PRH1: variants seen among roughly 807,000 people sequenced by gnomAD.
The protein encoded by PRH1 is proline rich protein HaeIII subfamily 1, also known as salivary acidic proline-rich phosphoprotein 1/2.
PRH1 carries 7 observed loss-of-function variants against 7.9 expected under a neutral mutation model. The ratio of observed to expected loss-of-function variants is 0.89; its 90% CI spans 0.50 to 1.67. PRH1 has a LOEUF of 1.67. PRH1 is among the 40% of genes most tolerant of loss of function. The pLI is 0.00. For missense variants in PRH1, 109 were observed against 223.6 expected, an observed-to-expected ratio of 0.49 and a Z score of 3.27; for synonymous variants, 45 against 80.8, an observed-to-expected ratio of 0.56 and a Z score of 2.38.
intron 1 of PRH1, among the ~76,000 whole-genome samples, chr12:11,157,565 A>T (rs1228624988): frequency 6.6e-6 from 1 of 152,222 alleles, no homozygotes; most frequent in Non-Finnish European, 1.5e-5. Flanking sequence ...ATTTACACTA[A>T]AAACTAAATA....
At chr12:10,935,467 T>C (rs1477114230) in intron 2 of PRH1, among the ~76,000 whole-genome samples, 7 of 152,180 alleles carry the variant, frequency 4.6e-5, no homozygotes, top group African/African-American at 7.2e-5. Flanking sequence ...TAGAACTCTA[T>C]ATTAATCCCA....
chr12:11,116,077 GA>G (rs1369034665), downstream of PRH1, among the ~76,000 whole-genome samples: 2 of 151,354 alleles, frequency 1.3e-5, no homozygotes, highest in African/African-American at 4.8e-5. Flanking sequence ...TTGAAATGAA[GA>G]AAACAATACA....
intron 1 of PRH1, among the ~76,000 whole-genome samples, chr12:11,019,966 T>C (rs1941514169): frequency 1.3e-5 from 2 of 152,298 alleles, no homozygotes; most frequent in African/African-American, 4.8e-5. Flanking sequence ...CAAAAAGCAT[T>C]AGAATAAGTG....
chr12:11,020,363 G>GATAT lies in PRH1; in HGVS notation c.-126+26653_-126+26656dup, dbSNP rs71051554. Among the ~76,000 whole-genome samples, 548 of 87,554 alleles carry GATAT rather than the reference G, an allele frequency of 6.3e-3. 39 individuals are homozygous for GATAT. Among genetic ancestry groups the GATAT allele is most frequent in the African/African-American group, 0.017 (432 of 25,740 alleles). 57.4% of individuals were successfully genotyped at this position (87,554 alleles called of 152,430 possible). On this transcript the variant is annotated intron_variant, in intron 1 of 3. Transcript: ENST00000539853. ...GTACTAGGGAGGACGTATGATAAGCGATATATATATATATATATATATATA... is the reference window on the plus strand; with the variant it reads ...GTACTAGGGAGGACGTATGATAAGCGATATATATATATATATATATATATATATA...
At chr12:11,021,944 G>GC (rs777991764) in intron 1 of PRH1, 32 of 1,613,922 alleles carry the variant, frequency 2.0e-5, no homozygotes, top group Non-Finnish European at 2.5e-6. Flanking sequence ...CTATGGAGCC[G>GC]CATCTTCTTG....
chr12:11,154,049 GT>G, intron 1 of PRH1, among the ~76,000 whole-genome samples: 1 of 152,046 alleles, frequency 6.6e-6, no homozygotes, highest in Non-Finnish European at 1.5e-5. Flanking sequence ...ATATTTTTGA[GT>G]TTTGAAAAAT....
intron 2 of PRH1, among the ~76,000 whole-genome samples, chr12:10,932,060 G>A (rs1950221354): frequency 6.6e-6 from 1 of 152,152 alleles, no homozygotes; most frequent in African/African-American, 2.4e-5. Context: ...TACGTGCAAT[G>A]GCATAGAAAG....
chr12:10,959,879 G>A (rs1938155368), intron 2 of PRH1, among the ~76,000 whole-genome samples: 1 of 152,184 alleles, frequency 6.6e-6, no homozygotes. Context: ...CTTCGGCAGT[G>A]TGACATTTTC....
At chr12:10,896,527 C>G (rs1394606586) in intron 2 of PRH1, among the ~76,000 whole-genome samples, 2 of 152,022 alleles carry the variant, frequency 1.3e-5, no homozygotes, top group Non-Finnish European at 1.5e-5. Context: ...TTTGGAAGGC[C>G]AAGGCAGGTG....
chr12:11,017,083 G>A (rs1941330516), intron 1 of PRH1, among the ~76,000 whole-genome samples: 2 of 152,266 alleles, frequency 1.3e-5, no homozygotes, highest in African/African-American at 4.8e-5. Flanking sequence ...TCCCTGAGCA[G>A]AGCAGAGCTC....
At chr12:11,115,306 G>T (rs532982005) in intron 1 of PRH1, among the ~76,000 whole-genome samples, 33 of 152,100 alleles carry the variant, frequency 2.2e-4, no homozygotes, top group Non-Finnish European at 4.1e-4. Context: ...GGAGATAAAG[G>T]TCACCATATA....
chr12:11,055,396 T>G (rs73053025), intron 1 of PRH1, among the ~76,000 whole-genome samples: 12,809 of 105,856 alleles, frequency 0.12, no homozygotes, highest in East Asian at 0.16. Flanking sequence ...CAATGGGCAA[T>G]ATTCCCTTTA....
At chr12:10,958,004 A>G (rs1213360809) in intron 2 of PRH1, among the ~76,000 whole-genome samples, 1 of 152,146 alleles carries the variant, frequency 6.6e-6, no homozygotes, top group Non-Finnish European at 1.5e-5. Context: ...TCAGCATGGC[A>G]ATTTTCCAAA....
intron 2 of PRH1, among the ~76,000 whole-genome samples, chr12:10,910,427 G>T (rs556541558): frequency 9.2e-5 from 14 of 152,034 alleles, no homozygotes; most frequent in Non-Finnish European, 1.6e-4. Context: ...TTTGAGACCG[G>T]CCTGGGCAAC....
intron 2 of PRH1, among the ~76,000 whole-genome samples, chr12:10,916,200 T>C (rs1023797764): frequency 7.2e-5 from 11 of 152,148 alleles, no homozygotes; most frequent in African/African-American, 2.7e-4. Flanking sequence ...ACTTATTCAT[T>C]ATCATAAGAA....
At chr12:10,953,039 C>G (rs533330279) in intron 2 of PRH1, among the ~76,000 whole-genome samples, 1 of 152,010 alleles carries the variant, frequency 6.6e-6, no homozygotes, top group East Asian at 1.9e-4. Flanking sequence ...AAATCTTTTC[C>G]CCCCTAAAAT....
chr12:10,976,025 C>T (rs1939078937), intron 1 of PRH1, among the ~76,000 whole-genome samples: 1 of 152,088 alleles, frequency 6.6e-6, no homozygotes, highest in Non-Finnish European at 1.5e-5. Context: ...AGACAGAAAA[C>T]TGACAAAGGT....
intron 1 of PRH1, among the ~76,000 whole-genome samples, chr12:10,982,706 A>C (rs2135973696): frequency 6.6e-6 from 1 of 152,366 alleles, no homozygotes. Flanking sequence ...CCTTAAGTAT[A>C]GTAAAATATT....
At chr12:10,994,907 T>C (rs1036001655) in intron 1 of PRH1, among the ~76,000 whole-genome samples, 4 of 152,226 alleles carry the variant, frequency 2.6e-5, no homozygotes, top group Admixed American at 6.5e-5. Flanking sequence ...CAAAAATCTT[T>C]TATATGCTTA....
Sources: allele counts gnomAD v4.1 joint callset (sites outside exome capture counted in the v4.1 genomes callset), GRCh38; gene constraint gnomAD v4.1.1; transcripts MANE v1.5; gene names NCBI Gene and HGNC (gene_info 2026-07-23, HGNC 2026-07-21).